MAF: variants seen among roughly 807,000 people sequenced by gnomAD.
MAF encodes MAF bZIP transcription factor, also known as transcription factor Maf.
Under a neutral mutation model 22.0 loss-of-function variants are expected in MAF, and 10 were observed. That is an observed-to-expected ratio of 0.45 (90% confidence interval 0.28 to 0.77). The LOEUF is 0.77. MAF is among the 30% of genes least tolerant of loss of function. The pLI is 0.12. For missense variants in MAF, 544 were observed against 548.4 expected (o/e 0.99, Z 0.08); for synonymous variants, 337 against 255.8 (o/e 1.32, Z -3.03).
the MAF span, among the ~76,000 whole-genome samples, chr16:79,473,085 T>C: frequency 2.6e-5 from 4 of 152,032 alleles, no homozygotes; most frequent in Admixed American, 2.6e-4. Flanking sequence ...TGAGGGGACA[T>C]GGAACTGGGG....
the MAF span, among the ~76,000 whole-genome samples, chr16:79,235,544 C>A: frequency 6.6e-5 from 10 of 150,926 alleles, no homozygotes; most frequent in African/African-American, 1.9e-4. Context: ...CTAAAAAAAA[C>A]CAGAAGAAAT....
chr16:79,562,218 G>A, the MAF span, among the ~76,000 whole-genome samples: 243 of 152,188 alleles, frequency 1.6e-3, no homozygotes, highest in Admixed American at 8.2e-3. Flanking sequence ...CAGTCTTTAC[G>A]GTACTTGGCA....
At chr16:79,384,208 C>A in the MAF span, among the ~76,000 whole-genome samples, 1,147 of 152,136 alleles carry the variant, frequency 7.5e-3, 17 homozygotes, top group African/African-American at 0.027. Flanking sequence ...CTTTGGGAGG[C>A]CAAGTCAAGT....
the MAF span, among the ~76,000 whole-genome samples, chr16:79,371,334 T>C: frequency 6.6e-6 from 1 of 152,132 alleles, no homozygotes; most frequent in Non-Finnish European, 1.5e-5. Context: ...ACCTCTGCCA[T>C]ATTGTACTAG....
the MAF span, among the ~76,000 whole-genome samples, chr16:79,522,342 C>A: frequency 6.6e-6 from 1 of 152,208 alleles, no homozygotes; most frequent in Non-Finnish European, 1.5e-5. Context: ...CTCCATGACA[C>A]AGATGAGAAA....
downstream of MAF, among the ~76,000 whole-genome samples, chr16:79,585,600 T>C (rs888946872): frequency 6.6e-6 from 1 of 152,174 alleles, no homozygotes; most frequent in Non-Finnish European, 1.5e-5. Context: ...ATTAGTAACT[T>C]GACATAACAC....
At chr16:79,349,654 C>A in the MAF span, among the ~76,000 whole-genome samples, 1 of 152,146 alleles carries the variant, frequency 6.6e-6, no homozygotes, top group Non-Finnish European at 1.5e-5. Context: ...GGATCATGCC[C>A]TTCACACATG....
chr16:79,460,970 T>C, the MAF span, among the ~76,000 whole-genome samples: 1 of 152,210 alleles, frequency 6.6e-6, no homozygotes. Flanking sequence ...AATCTGAGTC[T>C]CCCTGGCTGC....
chr16:79,440,948 C>T, the MAF span, among the ~76,000 whole-genome samples: 1 of 152,192 alleles, frequency 6.6e-6, no homozygotes, highest in South Asian at 2.1e-4. Context: ...TTGGTAAATG[C>T]TTGTTGCTGA....
downstream of MAF, among the ~76,000 whole-genome samples, chr16:79,582,714 G>C (rs1314288125): frequency 1.3e-5 from 2 of 152,184 alleles, no homozygotes; most frequent in African/African-American, 4.8e-5. Context: ...GAAATTGTTT[G>C]GCCTTATTTT....
At chr16:79,333,939 A>G in the MAF span, among the ~76,000 whole-genome samples, 1 of 152,218 alleles carries the variant, frequency 6.6e-6, no homozygotes, top group Non-Finnish European at 1.5e-5. Flanking sequence ...TCTCACCTGG[A>G]TCTGGTGATA....
the MAF span, among the ~76,000 whole-genome samples, chr16:79,560,174 G>C: frequency 6.6e-6 from 1 of 151,590 alleles, no homozygotes; most frequent in Non-Finnish European, 1.5e-5. Flanking sequence ...GCTTCCCAAA[G>C]TACTGGGACT....
At chr16:79,440,246 C>G in the MAF span, among the ~76,000 whole-genome samples, 20 of 152,280 alleles carry the variant, frequency 1.3e-4, no homozygotes, top group African/African-American at 4.8e-4. Flanking sequence ...GTCTTGGGCC[C>G]CAGCACATGC....
the MAF span, among the ~76,000 whole-genome samples, chr16:79,229,711 A>G: frequency 6.6e-6 from 1 of 152,056 alleles, no homozygotes; most frequent in Non-Finnish European, 1.5e-5. Flanking sequence ...TGAGCTATCT[A>G]GAGGAGTGCA....
the MAF span, among the ~76,000 whole-genome samples, chr16:79,491,510 T>C: frequency 6.6e-6 from 1 of 152,096 alleles, no homozygotes; most frequent in Non-Finnish European, 1.5e-5. Flanking sequence ...CACTGCCCCA[T>C]TTCCCCATAG....
At chr16:79,232,306 T>TATA in the MAF span, among the ~76,000 whole-genome samples, 1 of 152,066 alleles carries the variant, frequency 6.6e-6, no homozygotes, top group African/African-American at 2.4e-5. Context: ...GAGATATGAA[T>TATA]ATAGGCATGG....
At chr16:79,411,258 C>T in the MAF span, among the ~76,000 whole-genome samples, 1 of 152,202 alleles carries the variant, frequency 6.6e-6, no homozygotes, top group Non-Finnish European at 1.5e-5. Flanking sequence ...CTCAAGCATT[C>T]AAGACAGGTG....
the MAF span, among the ~76,000 whole-genome samples, chr16:79,348,435 G>A: frequency 1.3e-5 from 2 of 152,176 alleles, no homozygotes; most frequent in Non-Finnish European, 2.9e-5. Flanking sequence ...AGGATACGGG[G>A]TCCATTTCCT....
the MAF span, among the ~76,000 whole-genome samples, chr16:79,403,842 C>G: frequency 6.6e-6 from 1 of 152,166 alleles, no homozygotes; most frequent in Non-Finnish European, 1.5e-5. Context: ...CACTTTGAGG[C>G]TCAGATGGAT....
Sources: gnomAD v4.1 joint callset for allele counts (sites outside exome capture counted in the v4.1 genomes callset) on GRCh38, gnomAD v4.1.1 for gene constraint, MANE v1.5 for transcripts, NCBI Gene and HGNC (gene_info 2026-07-23, HGNC 2026-07-21) for gene names.